Variants in DLC1 observed in about 807,000 individuals in gnomAD.
DLC1 encodes DLC1 Rho GTPase activating protein, also known as rho GTPase-activating protein 7.
DLC1 carries 54 observed loss-of-function variants against 140.3 expected under a neutral mutation model. The observed-to-expected ratio is 0.38, with a 90% CI of 0.31 to 0.48. The LOEUF is 0.48. Among genes scored for constraint, DLC1 ranks in the 20% least tolerant of loss-of-function variants. The probability of loss-of-function intolerance (pLI) is 0.96; values close to 1 mark genes in which losing one functional copy is unlikely to be tolerated. For missense variants in DLC1, 2,536 were observed against 1,907.0 expected (o/e 1.33, Z -6.14); for synonymous variants, 986 against 728.1 (o/e 1.35, Z -5.70).
chr8:13,599,758 G>C (rs1177182928), intron 1 of DLC1, among the ~76,000 whole-genome samples: 1 of 151,880 alleles, frequency 6.6e-6, no homozygotes, highest in Non-Finnish European at 1.5e-5. Flanking sequence ...CATTGGTGTG[G>C]AATGGACAAG....
At chr8:13,092,340 G>C (rs188236804) in intron 13 of DLC1, among the ~76,000 whole-genome samples, 3 of 152,222 alleles carry the variant, frequency 2.0e-5, no homozygotes, top group African/African-American at 7.2e-5. Context: ...CTCTAGCTAA[G>C]AAATACTTTT....
chr8:13,154,328 G>A (rs960525041), intron 5 of DLC1, among the ~76,000 whole-genome samples: 9 of 152,342 alleles, frequency 5.9e-5, no homozygotes, highest in African/African-American at 1.7e-4. Context: ...GCTGCAGGTC[G>A]GGAGCCCTGC....
intron 7 of DLC1, among the ~76,000 whole-genome samples, chr8:13,109,739 G>A (rs1819909361): frequency 6.6e-6 from 1 of 151,808 alleles, no homozygotes; most frequent in Non-Finnish European, 1.5e-5. Context: ...CACAAAATTA[G>A]CTGGGCGTGA....
intron 16 of DLC1, among the ~76,000 whole-genome samples, chr8:13,087,876 T>A (rs781614515): frequency 1.3e-5 from 2 of 152,204 alleles, no homozygotes; most frequent in Non-Finnish European, 2.9e-5. Context: ...GGCTTATTCA[T>A]TCACTAGCTG....
At chr8:13,560,138 A>AT (rs1158411620) in intron 1 of DLC1, among the ~76,000 whole-genome samples, 5 of 152,238 alleles carry the variant, frequency 3.3e-5, no homozygotes, top group Admixed American at 3.3e-4. Flanking sequence ...TACTGGGCAT[A>AT]TTCATTTTGA....
At chr8:13,335,517 G>A (rs1833781054) in intron 4 of DLC1, among the ~76,000 whole-genome samples, 1 of 152,088 alleles carries the variant, frequency 6.6e-6, no homozygotes, top group South Asian at 2.1e-4. Flanking sequence ...ATGCAGAGTG[G>A]AAGACAATTA....
At chr8:13,243,011 T>C (rs887665116) in intron 5 of DLC1, among the ~76,000 whole-genome samples, 1 of 151,982 alleles carries the variant, frequency 6.6e-6, no homozygotes, top group African/African-American at 2.4e-5. Flanking sequence ...GAGTGAGTTC[T>C]CATGAGGTCT....
chr8:13,281,764 G>T (rs995276486), intron 5 of DLC1, among the ~76,000 whole-genome samples: 4 of 152,078 alleles, frequency 2.6e-5, no homozygotes, highest in Admixed American at 6.6e-5. Flanking sequence ...TGAATGTTAG[G>T]GAAGAGAGAA....
intron 3 of DLC1, 116 bp downstream of exon 3, chr8:13,401,354 C>G (rs1377231372): frequency 1.5e-6 from 2 of 1,332,604 alleles, no homozygotes; most frequent in Non-Finnish European, 2.0e-6. Context: ...TGGTACTGTA[C>G]TGGGGTTACA....
chr8:13,544,908 T>G (rs1329071937), intron 1 of DLC1, among the ~76,000 whole-genome samples: 3 of 152,132 alleles, frequency 2.0e-5, no homozygotes, highest in African/African-American at 7.2e-5. Flanking sequence ...AGTTACCACT[T>G]AAGAGCCACA....
chr8:13,460,011 T>C (rs1249229705), intron 2 of DLC1, among the ~76,000 whole-genome samples: 4 of 152,114 alleles, frequency 2.6e-5, no homozygotes, highest in African/African-American at 9.7e-5. Context: ...TTCAATTGAA[T>C]TATTTCATCT....
At chr8:13,238,352 T>G (rs1048927243) in intron 5 of DLC1, among the ~76,000 whole-genome samples, 1 of 151,714 alleles carries the variant, frequency 6.6e-6, no homozygotes, top group African/African-American at 2.4e-5. Flanking sequence ...TCTCTACAAA[T>G]AAACACAAAA....
intron 1 of DLC1, among the ~76,000 whole-genome samples, chr8:13,582,485 A>G (rs1805141384): frequency 6.6e-6 from 1 of 152,096 alleles, no homozygotes; most frequent in African/African-American, 2.4e-5. Flanking sequence ...AATATAAAGC[A>G]GGCAGAAAAA....
At position 13,417,803 on chromosome 8, in the gene DLC1, T is replaced by G. The variant is rs577298832; in HGVS notation, c.1024-16184A>C. 1.3e-3 allele frequency among the ~76,000 whole-genome samples: 202 copies of G among 152,082 alleles called. 2 individuals are homozygous for G. Among genetic ancestry groups the G allele is most frequent in the African/African-American group, 4.6e-3 (192 of 41,542 alleles). ...ATCGCCACACTGACTTCCACAATGG[T>G]TGAACTAGTTTACAGTCCCACCAAC... On this transcript the variant is annotated intron_variant, in intron 2 of 17. Coordinates refer to ENST00000276297, the MANE Select transcript of DLC1 (RefSeq NM_182643.3).
At chr8:13,511,701 TCC>T (rs1802374892) in intron 1 of DLC1, among the ~76,000 whole-genome samples, 5 of 152,144 alleles carry the variant, frequency 3.3e-5, no homozygotes, top group Non-Finnish European at 5.9e-5. Flanking sequence ...TGTTCCCTTG[TCC>T]TCTTCCAATT....
intron 4 of DLC1, among the ~76,000 whole-genome samples, chr8:13,324,997 C>A (rs906050083): frequency 7.9e-5 from 12 of 152,116 alleles, no homozygotes; most frequent in Admixed American, 6.6e-5. Context: ...ACACTGAATG[C>A]TAAAATACGT....
chr8:13,305,414 A>T (rs1832380523), intron 4 of DLC1, 112 bp from the exon 5 acceptor site: 1 of 1,120,144 alleles, frequency 8.9e-7, no homozygotes, highest in African/African-American at 1.6e-5. Flanking sequence ...AGAGAATGCC[A>T]ATAGAAAAAT....
chr8:13,117,337 G>A (rs1430249040), intron 5 of DLC1, among the ~76,000 whole-genome samples: 1 of 151,988 alleles, frequency 6.6e-6, no homozygotes, highest in Non-Finnish European at 1.5e-5. Context: ...AATTAGTCAG[G>A]TGTGGTGGTG....
intron 2 of DLC1, among the ~76,000 whole-genome samples, chr8:13,493,121 G>A (rs926481195): frequency 6.6e-6 from 1 of 152,166 alleles, no homozygotes; most frequent in Non-Finnish European, 1.5e-5. Flanking sequence ...GGAAACAAGT[G>A]TCAAAACAAG....
Sources: gnomAD v4.1 joint callset for allele counts (sites outside exome capture counted in the v4.1 genomes callset) on GRCh38, gnomAD v4.1.1 for gene constraint, MANE v1.5 for transcripts, NCBI Gene and HGNC (gene_info 2026-07-23, HGNC 2026-07-21) for gene names.